Variants in CELF6 observed in about 807,000 individuals in gnomAD.
CELF6 encodes the protein CUGBP Elav-like family member 6, also known as Bruno -like 6, RNA binding protein.
CELF6 carries 32 observed loss-of-function variants against 53.1 expected under a neutral mutation model. That is an observed-to-expected ratio of 0.60 (90% CI 0.46 to 0.81). The LOEUF is 0.81. Among genes scored for constraint, CELF6 ranks in the 30% least tolerant of loss-of-function variants. The pLI is 0.00. For missense variants in CELF6, 539 were observed against 669.5 expected (o/e 0.81, Z 2.15); for synonymous variants, 291 against 288.8 (o/e 1.01, Z -0.08).
chr15:72,311,523 C>T (rs2140305304), intron 2 of CELF6, among the ~76,000 whole-genome samples: 1 of 151,880 alleles, frequency 6.6e-6, no homozygotes, highest in African/African-American at 2.4e-5. Flanking sequence ...CTGCCTCAGC[C>T]TCCCGAGTAG....
chr15:72,307,444 G>A (rs1284161880), intron 2 of CELF6, among the ~76,000 whole-genome samples: 3 of 152,186 alleles, frequency 2.0e-5, no homozygotes, highest in Admixed American at 1.3e-4. Context: ...GCTCGCAGAG[G>A]GGAAGATAAT....
In CELF6 at chr15:72,304,867, T is replaced by C; in HGVS notation, c.346-73A>G. 4 of 1,408,150 alleles carry C rather than the reference T, an allele frequency of 2.8e-6. No homozygotes were observed. The Admixed American group carries it at 5.2e-5, about 18-fold the overall frequency. The allele number at this position is 1,408,150 out of a possible 1,614,324, so 87.2% of individuals were successfully genotyped here. On this transcript the variant is annotated intron_variant, in intron 2 of 12. Coordinates refer to ENST00000287202, the MANE Select transcript of CELF6 (RefSeq NM_052840.5). The stretch of plus-strand genomic sequence containing the variant: ...CTGGAGCCCCCAGCTTCTCGAACCC[T>C]GGACTCCTCAGGATCTGAGCCCTAG...
intron 3 of CELF6, among the ~76,000 whole-genome samples, chr15:72,299,484 C>T (rs1361977062): frequency 6.6e-6 from 1 of 151,452 alleles, no homozygotes; most frequent in Non-Finnish European, 1.5e-5. Flanking sequence ...CTTAGCCTCC[C>T]AAGTAGCTGG....
intron 12 of CELF6, 30 bp downstream of exon 12, chr15:72,287,204 GCCT>G: frequency 2.5e-6 from 4 of 1,585,494 alleles, no homozygotes; most frequent in Non-Finnish European, 3.4e-6. Context: ...CATCACTCAG[GCCT>G]CATCTACCTG....
intron 3 of CELF6, among the ~76,000 whole-genome samples, chr15:72,290,950 G>C (rs1380030973): frequency 2.0e-5 from 3 of 152,092 alleles, no homozygotes; most frequent in African/African-American, 7.2e-5. Flanking sequence ...TCCTACTACA[G>C]TTGCTGAACC....
chr15:72,298,591 T>G (rs565130237), intron 3 of CELF6, among the ~76,000 whole-genome samples: 10 of 152,304 alleles, frequency 6.6e-5, no homozygotes, highest in Non-Finnish European at 1.3e-4. Context: ...CACAGCCAAG[T>G]TGAGAAGTGG....
intron 2 of CELF6, among the ~76,000 whole-genome samples, chr15:72,310,436 C>A (rs1234179614): frequency 1.3e-5 from 2 of 152,114 alleles, no homozygotes; most frequent in Non-Finnish European, 2.9e-5. Flanking sequence ...CAGCTCTAGG[C>A]CAGCATCACC....
Position 72,314,589 on chromosome 15 carries a change from G to GTTTTTTTTTTTTTTTTT in CELF6, c.345+1239_345+1255dup, listed in dbSNP as rs984879836. Among the ~76,000 whole-genome samples, 185 of 97,832 alleles carry GTTTTTTTTTTTTTTTTT rather than the reference G, an allele frequency of 1.9e-3. 17 individuals carry two copies. The highest frequency in any genetic ancestry group is 8.3e-3 in the African/African-American group (171 of 20,702). 64.2% of individuals were successfully genotyped at this position (97,832 alleles called of 152,430 possible). On this transcript the variant is annotated intron_variant, in intron 2 of 12. Transcript: ENST00000287202. ...AGGTCTGTGAGACTCAAAACCCAGT[G>GTTTTTTTTTTTTTTTTT]TTTTTTTTTTTTTTTTTTTTTTTGA...
intron 3 of CELF6, among the ~76,000 whole-genome samples, chr15:72,304,239 T>C (rs762842405): frequency 8.5e-5 from 13 of 152,180 alleles, no homozygotes; most frequent in Non-Finnish European, 1.5e-4. Flanking sequence ...GAGCTTTCCA[T>C]GGTCCTCAGC....
In CELF6 at chr15:72,289,405, G is replaced by T; in HGVS notation, c.850C>A (p.Leu284Met). Residue 284 changes from leucine to methionine, a missense_variant, in exon 7 of 13, where the codon CTG becomes ATG. By Grantham distance (15) the Leu-to-Met change is conservative. Around this residue, in one of 3 missense-constraint regions of CELF6, gnomAD observed 358 missense variants for 412.8 expected, o/e 0.87. Coordinates refer to ENST00000287202, the MANE Select transcript of CELF6 (RefSeq NM_052840.5). The surrounding 1 kb of genome is among the most constrained non-coding windows in gnomAD (Gnocchi z 7.6). ...GCGGGCAACAGAGGCGCAGCTACCAGGCTAAAGGCCGCCACGTGTTGCATC... is the reference window on the plus strand; with the variant it reads ...GCGGGCAACAGAGGCGCAGCTACCATGCTAAAGGCCGCCACGTGTTGCATC... ...AQMQHVAAFS[L>M]VAAPLLPAAA... 1 of 1,555,854 alleles carries T rather than the reference G, an allele frequency of 6.4e-7. No individual in the cohort carries two copies.
At position 72,319,350 on chromosome 15, in the gene CELF6, G is replaced by T. The variant is rs2088398743; in HGVS notation, c.262+263C>A. Among the ~76,000 whole-genome samples, 1 of 152,190 alleles carries T rather than the reference G, an allele frequency of 6.6e-6. No individual in the cohort carries two copies. The highest frequency in any genetic ancestry group is 1.5e-5 in the Non-Finnish European group (1 of 68,034). ...GGTGGTGGAAAGGTCCAATTGAAAG[G>T]CAGGGACTGCTGGGATGTGAGAGGT... On this transcript the variant is annotated intron_variant, in intron 1 of 12. Transcript: ENST00000287202. The surrounding 1 kb of genome is among the most constrained non-coding windows in gnomAD (Gnocchi z 5.0).
In CELF6 at chr15:72,289,476, G is replaced by T. The variant is rs2087973435; in HGVS notation, c.779C>A (p.Ala260Glu). ...ILQHQAALLAAAQGPGLGPVA... is the reference protein window; with the variant it reads ...ILQHQAALLAEAQGPGLGPVA... ...CGGGCCTAGGCCTGGGCCCTGTGCC[G>T]CCGCCAGCAGGGCCGCCTGGTGCTG... Residue 260 changes from alanine to glutamate, a missense_variant, in exon 7 of 13, where the codon GCG (alanine) becomes GAG (glutamate). Around this residue, in one of 3 missense-constraint regions of CELF6, gnomAD observed 358 missense variants for 412.8 expected, o/e 0.87. Transcript: ENST00000287202. This position sits in a 1 kb window ranked among gnomAD's most constrained non-coding sequence, Gnocchi z 7.6. 6.5e-7 allele frequency: 1 copy of T among 1,529,958 alleles called. No individual in the cohort carries two copies. Among genetic ancestry groups the T allele is most frequent in the African/African-American group, 1.4e-5 (1 of 72,552 alleles). The allele number at this position is 1,529,958 out of a possible 1,614,324, so 94.8% of individuals were successfully genotyped here. A position where few individuals can be genotyped will look rare whatever the true frequency, so the allele number is the denominator to read the frequency against.
At position 72,319,728 on chromosome 15, in the gene CELF6, G is replaced by A. The variant is rs2088404231; in HGVS notation, c.147C>T (p.Phe49=). 6.2e-7 allele frequency: 1 copy of A among 1,601,740 alleles called. No homozygotes were observed. The highest frequency in any genetic ancestry group is 8.5e-7 in the Non-Finnish European group (1 of 1,174,054). The change falls in exon 1 of 13, where the codon TTC becomes TTT. Residue 49 remains phenylalanine (F), a synonymous_variant. Transcript: ENST00000287202. The surrounding 1 kb of genome is among the most constrained non-coding windows in gnomAD (Gnocchi z 5.0). ...PMKDHDAIKL[F]VGQIPRGLDE... ...CCAAGCCCCGCGGGATCTGCCCCAC[G>A]AAGAGCTTGATGGCGTCGTGGTCCT...
rs549531529 is a variant in CELF6 at position 72,289,180 on chromosome 15, C to T, written c.988G>A (p.Gly330Ser). The T allele has an allele frequency of 1.2e-5, 18 of 1,559,406 alleles. No individual in the cohort carries two copies. Among genetic ancestry groups the T allele is most frequent in the Non-Finnish European group, 1.5e-5 (17 of 1,162,814 alleles). Reference sequence around the variant, plus strand: ...CCGTTATTGTAGAGCGTGTCGGAGCCCGGCTGGCCATTGGTCTGGGGGGTC... The same window carrying T: ...CCGTTATTGTAGAGCGTGTCGGAGCTCGGCTGGCCATTGGTCTGGGGGGTC... ...PLTPQTNGQP[G>S]SDTLYNNGLS... The change falls in exon 8 of 13, where the codon GGC becomes AGC. Residue 330 changes from glycine to serine, a missense_variant. Physicochemically the swap from Gly to Ser is moderately conservative, Grantham distance 56. Transcript: ENST00000287202. The surrounding 1 kb of genome is among the most constrained non-coding windows in gnomAD (Gnocchi z 7.6).
chr15:72,290,206 C>T lies in CELF6; in HGVS notation c.444G>A (p.Glu148=). The change falls in exon 4 of 13, where the codon GAG becomes GAA. Residue 148 remains glutamate (E), a synonymous_variant. Coordinates refer to ENST00000287202, the MANE Select transcript of CELF6 (RefSeq NM_052840.5). ...VGMLGKQQGE[E]DVRRLFQPFG... is the part of the protein sequence containing the mutation. ...AGGGCTGGAACAGGCGTCTGACGTC[C>T]TCCTCACCCTGCTGCTTGCCCAGCA... The T allele has an allele frequency of 1.2e-6, 2 of 1,613,902 alleles. No individual in the cohort carries two copies. Among genetic ancestry groups the T allele is most frequent in the Non-Finnish European group, 1.7e-6 (2 of 1,179,940 alleles).
At position 72,297,278 on chromosome 15, in the gene CELF6, C is replaced by T. The variant is rs556459281; in HGVS notation, c.395-7023G>A. Among the ~76,000 whole-genome samples the T allele has an allele frequency of 5.3e-5, 8 of 152,312 alleles. No homozygotes were observed. In the South Asian group the frequency reaches 1.5e-3, roughly 28 times the overall value. On this transcript the variant is annotated intron_variant, in intron 3 of 12. Coordinates refer to ENST00000287202, the MANE Select transcript of CELF6 (RefSeq NM_052840.5). ...ACTTTGTATCCTTTGACTAACATCT[C>T]CCCTTTCTCCATACTGTAACCCCCC... is the stretch of plus-strand genomic sequence containing the variant.
In CELF6 at chr15:72,289,948, C is replaced by G. The variant is rs1159210254; in HGVS notation, c.594G>C (p.Arg198=). ...GGGAACCCGCCCTCACCGCCATGGT[C>G]CGGCTGCCGTGCAGACCCCGGATGG... is the stretch of plus-strand genomic sequence containing the variant. The part of the protein sequence containing the change: ...QAAIRGLHGS[R]TMAGASSSLV... The change falls in exon 5 of 13, where the codon CGG becomes CGC. Residue 198 remains arginine, a synonymous_variant. Transcript: ENST00000287202. This position sits in a 1 kb window ranked among gnomAD's most constrained non-coding sequence, Gnocchi z 7.6. The G allele has an allele frequency of 6.4e-7, 1 of 1,569,342 alleles. No individual in the cohort carries two copies. Among genetic ancestry groups the G allele is most frequent in the Non-Finnish European group, 8.6e-7 (1 of 1,158,476 alleles).
At chr15:72,292,264 G>C in intron 3 of CELF6, 3 of 1,533,386 alleles carry the variant, frequency 2.0e-6, no homozygotes, top group Non-Finnish European at 2.6e-6. Context: ...CTGTTCAGGA[G>C]CCTGAGAAGA....
chr15:72,302,626 C>G (rs951142917), intron 3 of CELF6, among the ~76,000 whole-genome samples: 2 of 152,178 alleles, frequency 1.3e-5, no homozygotes, highest in Admixed American at 6.5e-5. Flanking sequence ...ATGGAGGCCC[C>G]CTTTGTGCGG....
Sources: allele counts gnomAD v4.1 joint callset (sites outside exome capture counted in the v4.1 genomes callset), GRCh38; gene constraint gnomAD v4.1.1; regional missense constraint gnomAD v4.1.1; non-coding constraint Gnocchi (gnomAD v3.1); transcripts MANE v1.5; gene names NCBI Gene and HGNC (gene_info 2026-07-23, HGNC 2026-07-21).